MYT1L: variants seen among roughly 807,000 people sequenced by gnomAD.
MYT1L encodes the protein myelin transcription factor 1-like protein.
MYT1L carries 12 observed loss-of-function variants against 126.7 expected under a neutral mutation model. That is an observed-to-expected ratio of 0.09 (90% CI 0.06 to 0.15). The LOEUF (loss-of-function observed/expected upper bound fraction) is 0.15. MYT1L is among the 10% of genes least tolerant of loss of function. The probability of loss-of-function intolerance (pLI) is 1.00; values close to 1 mark genes in which losing one functional copy is unlikely to be tolerated. For missense variants in MYT1L, 979 were observed against 1,585.2 expected (o/e 0.62, Z 6.49); for synonymous variants, 541 against 604.2 (o/e 0.90, Z 1.53).
intron 2 of MYT1L, among the ~76,000 whole-genome samples, chr2:2,260,216 T>C (rs1316508926): frequency 6.6e-6 from 1 of 152,228 alleles, no homozygotes; most frequent in African/African-American, 2.4e-5. Flanking sequence ...GAAAAATTAT[T>C]GGCTAACACT....
rs143781948 is a variant in MYT1L at position 1,818,641 on chromosome 2, G to A, written c.3081-9474C>T. Among the ~76,000 whole-genome samples, 10 of 152,194 alleles carry A rather than the reference G, an allele frequency of 6.6e-5. 1 individual carries two copies. In the East Asian group the frequency reaches 1.6e-3, roughly 24 times the overall value. ...GTCCTGCATTTGCCCCGGTCGCCACGAGAGCAGCTCTCCTGTGGTTCGCTT... is the reference window on the plus strand; with the variant it reads ...GTCCTGCATTTGCCCCGGTCGCCACAAGAGCAGCTCTCCTGTGGTTCGCTT... On this transcript the variant is annotated intron_variant, in intron 21 of 24. Transcript: ENST00000647738.
chr2:1,977,606 TCA>T (rs1365088031), intron 8 of MYT1L, among the ~76,000 whole-genome samples: 3 of 152,210 alleles, frequency 2.0e-5, no homozygotes, highest in African/African-American at 7.2e-5. Flanking sequence ...TGTGATTATT[TCA>T]CATTGTATGC....
rs1191059624 is a variant in MYT1L at position 1,910,409 on chromosome 2, C to T, written c.1710-62G>A. ...CAAACACCTTCACAGCACACTAATC[C>T]TCCCTTAGCACCAAGACCCTGATGC... On this transcript the variant is annotated intron_variant, in intron 12 of 24. Coordinates refer to ENST00000647738, the MANE Select transcript of MYT1L (RefSeq NM_001303052.2). This position sits in a 1 kb window ranked among gnomAD's most constrained non-coding sequence, Gnocchi z 4.8. The T allele has an allele frequency of 2.1e-6, 3 of 1,451,502 alleles. No homozygotes were observed. Among genetic ancestry groups the T allele is most frequent in the African/African-American group, 2.8e-5 (2 of 71,958 alleles). 89.9% of individuals were successfully genotyped at this position (1,451,502 alleles called of 1,614,324 possible).
At chr2:1,845,518 C>CT (rs1372908582) in intron 19 of MYT1L, among the ~76,000 whole-genome samples, 5 of 152,148 alleles carry the variant, frequency 3.3e-5, no homozygotes, top group African/African-American at 1.2e-4. Flanking sequence ...GGCCCTCCCT[C>CT]TTTAGCGCCT....
intron 3 of MYT1L, among the ~76,000 whole-genome samples, chr2:2,152,264 C>G (rs1349400459): frequency 1.3e-5 from 2 of 152,178 alleles, no homozygotes; most frequent in East Asian, 3.9e-4. Flanking sequence ...ACACGCTGGG[C>G]AAGGGAACAA....
intron 2 of MYT1L, among the ~76,000 whole-genome samples, chr2:2,200,387 T>C (rs966968357): frequency 6.6e-6 from 1 of 152,152 alleles, no homozygotes; most frequent in African/African-American, 2.4e-5. Flanking sequence ...AACCTCTGTG[T>C]CCATGCGTTT....
At chr2:1,864,387 C>T (rs192461060) in intron 18 of MYT1L, among the ~76,000 whole-genome samples, 4 of 152,320 alleles carry the variant, frequency 2.6e-5, no homozygotes, top group East Asian at 1.9e-4. Flanking sequence ...GCAGGCCCTC[C>T]ACAGTCTTGC....
intron 4 of MYT1L, among the ~76,000 whole-genome samples, chr2:2,037,040 C>T (rs540733249): frequency 1.1e-4 from 17 of 152,292 alleles, no homozygotes; most frequent in South Asian, 4.2e-4. Context: ...CTTCCTGTTC[C>T]CTCTGCCTGA....
intron 21 of MYT1L, among the ~76,000 whole-genome samples, chr2:1,838,602 G>A (rs2148369068): frequency 6.6e-6 from 1 of 152,310 alleles, no homozygotes; most frequent in South Asian, 2.1e-4. Context: ...TCCCCGCAGA[G>A]GGACCGACTG....
chr2:2,185,225 T>G (rs2091989249), intron 2 of MYT1L, among the ~76,000 whole-genome samples: 2 of 152,300 alleles, frequency 1.3e-5, no homozygotes, highest in Non-Finnish European at 2.9e-5. Flanking sequence ...GCAAACACAT[T>G]GAAGGTAAAT....
intron 18 of MYT1L, among the ~76,000 whole-genome samples, chr2:1,866,242 G>A (rs1434862817): frequency 1.3e-5 from 2 of 152,130 alleles, no homozygotes; most frequent in African/African-American, 4.8e-5. Context: ...TAAAACAGAG[G>A]TCAGAGCTAG....
intron 3 of MYT1L, among the ~76,000 whole-genome samples, chr2:2,099,906 T>C (rs2077859544): frequency 6.6e-6 from 1 of 152,220 alleles, no homozygotes; most frequent in Admixed American, 6.5e-5. Context: ...ATTATTAACA[T>C]ACAGGCTAGG....
chr2:2,054,443 C>CA (rs2069223829), intron 3 of MYT1L, among the ~76,000 whole-genome samples: 1 of 150,728 alleles, frequency 6.6e-6, no homozygotes, highest in African/African-American at 2.5e-5. Context: ...ATGAAACACT[C>CA]AGAGGTGAGA....
intron 3 of MYT1L, among the ~76,000 whole-genome samples, chr2:2,152,299 G>C (rs773752858): frequency 6.6e-6 from 1 of 152,218 alleles, no homozygotes; most frequent in African/African-American, 2.4e-5. Flanking sequence ...AGGATGGAGC[G>C]AGAAGGTGTG....
chr2:1,922,805 C>T lies in MYT1L; in HGVS notation c.964G>A (p.Val322Met), dbSNP rs1355402560. ...EKMVEESDEEVCLSSLECLRN... is the reference protein window; with the variant it reads ...EKMVEESDEEMCLSSLECLRN... The stretch of plus-strand genomic sequence containing the variant: ...AAACACTCCAGACTGCTCAGACACA[C>T]CTCCTCATCGCTCTCCTCCACCATC... The change falls in exon 10 of 25, where the codon GTG becomes ATG. Residue 322 changes from valine to methionine, a missense_variant. Val to Met is a conservative substitution (Grantham distance 21, BLOSUM62 1). Around this residue, in one of 12 missense-constraint regions of MYT1L, gnomAD observed 243 missense variants for 363.9 expected, o/e 0.67. Transcript: ENST00000647738. This position sits in a 1 kb window ranked among gnomAD's most constrained non-coding sequence, Gnocchi z 7.4. 6.2e-7 allele frequency: 1 copy of T among 1,613,888 alleles called. No homozygotes were observed. The highest frequency in any genetic ancestry group is 8.5e-7 in the Non-Finnish European group (1 of 1,179,908).
chr2:1,924,883 CTA>C (rs978198929), intron 9 of MYT1L, among the ~76,000 whole-genome samples: 34 of 152,298 alleles, frequency 2.2e-4, no homozygotes, highest in African/African-American at 7.9e-4. Flanking sequence ...TTGCTATACC[CTA>C]GTGTTTAAGC....
intron 9 of MYT1L, among the ~76,000 whole-genome samples, chr2:1,924,690 T>G (rs1304594680): frequency 6.6e-6 from 1 of 152,230 alleles, no homozygotes; most frequent in African/African-American, 2.4e-5. Context: ...AATTTACCTT[T>G]TATTAGACAT....
intron 8 of MYT1L, among the ~76,000 whole-genome samples, chr2:1,967,172 T>A (rs755992297): frequency 7.2e-5 from 11 of 152,234 alleles, no homozygotes; most frequent in Non-Finnish European, 1.3e-4. Context: ...AGCCAATGTA[T>A]TTCTTTTGGT....
intron 1 of MYT1L, among the ~76,000 whole-genome samples, chr2:2,289,882 G>A (rs1268423492): frequency 6.6e-6 from 1 of 152,176 alleles, no homozygotes; most frequent in Non-Finnish European, 1.5e-5. Context: ...GCATAAACAG[G>A]GCTTCACTTC....
Sources: allele counts gnomAD v4.1 joint callset (sites outside exome capture counted in the v4.1 genomes callset), GRCh38; gene constraint gnomAD v4.1.1; regional missense constraint gnomAD v4.1.1; non-coding constraint Gnocchi (gnomAD v3.1); transcripts MANE v1.5; gene names NCBI Gene and HGNC (gene_info 2026-07-23, HGNC 2026-07-21).